The following LINGO2 variants were observed in gnomAD, a reference collection of about 807,000 sequenced individuals.
LINGO2 encodes leucine-rich repeat and immunoglobulin-like domain-containing nogo receptor-interacting protein 2.
Under a neutral mutation model 30.6 loss-of-function variants are expected in LINGO2, and 14 were observed. The observed-to-expected ratio is 0.46, with a 90% CI of 0.30 to 0.72. LINGO2 has a LOEUF of 0.72. Ranked by LOEUF, LINGO2 falls within the 30% of genes least tolerant of loss-of-function variation. The pLI, the probability that LINGO2 is intolerant of heterozygous loss-of-function variation, is 0.07. For missense variants in LINGO2, 729 were observed against 751.7 expected (o/e 0.97, Z 0.35); for synonymous variants, 317 against 288.5 (o/e 1.10, Z -1.00).
At chr9:28,072,454 G>A (rs1825506990) in intron 4 of LINGO2, among the ~76,000 whole-genome samples, 1 of 152,174 alleles carries the variant, frequency 6.6e-6, no homozygotes, top group South Asian at 2.1e-4. Context: ...CTTACTTGGT[G>A]AAATGACAGC....
chr9:28,256,925 T>C (rs1822400523), intron 4 of LINGO2, among the ~76,000 whole-genome samples: 1 of 151,960 alleles, frequency 6.6e-6, no homozygotes, highest in Non-Finnish European at 1.5e-5. Context: ...GTCTAAAAGA[T>C]GCTGCTATGT....
At chr9:28,132,996 C>T (rs929916970) in intron 4 of LINGO2, among the ~76,000 whole-genome samples, 10 of 152,040 alleles carry the variant, frequency 6.6e-5, no homozygotes, top group East Asian at 1.9e-4. Flanking sequence ...GCTTTCAGCC[C>T]GTACATTTTT....
At chr9:28,006,003 C>A (rs1181421516) in intron 5 of LINGO2, among the ~76,000 whole-genome samples, 3 of 152,092 alleles carry the variant, frequency 2.0e-5, no homozygotes, top group East Asian at 3.9e-4. Flanking sequence ...TATGAATAGG[C>A]CTGTATGTAC....
intron 1 of LINGO2, among the ~76,000 whole-genome samples, chr9:28,498,305 T>A (rs887482265): frequency 1.3e-5 from 2 of 152,154 alleles, no homozygotes; most frequent in Non-Finnish European, 2.9e-5. Flanking sequence ...GTGGGCTCCA[T>A]CCAGTTCGAG....
chr9:28,768,489 T>TC, the LINGO2 span, among the ~76,000 whole-genome samples: 27 of 152,044 alleles, frequency 1.8e-4, no homozygotes, highest in African/African-American at 6.3e-4. Context: ...GATGAATTAT[T>TC]CCCCCCAAAA....
At chr9:28,381,048 C>T (rs191360487) in intron 2 of LINGO2, among the ~76,000 whole-genome samples, 5 of 152,014 alleles carry the variant, frequency 3.3e-5, no homozygotes, top group Admixed American at 6.6e-5. Context: ...GCATCAATAT[C>T]CAGTGAAATC....
the LINGO2 span, among the ~76,000 whole-genome samples, chr9:29,065,558 T>C: frequency 2.0e-5 from 3 of 152,194 alleles, no homozygotes; most frequent in Admixed American, 2.0e-4. Context: ...TTGTCGATTT[T>C]GTCAAAGATC....
intron 4 of LINGO2, among the ~76,000 whole-genome samples, chr9:28,150,944 T>TTCAAAGTTAAATTC (rs1167652658): frequency 6.6e-6 from 1 of 152,196 alleles, no homozygotes; most frequent in Non-Finnish European, 1.5e-5. Context: ...CAAACTTAAT[T>TTCAAAGTTAAATTC]TCAAAGTTAA....
At chr9:28,996,772 C>A in the LINGO2 span, among the ~76,000 whole-genome samples, 1 of 152,174 alleles carries the variant, frequency 6.6e-6, no homozygotes, top group South Asian at 2.1e-4. Context: ...TTCAATGATA[C>A]CTCATATTTA....
rs1033446357 is a variant in LINGO2, at chr9:28,543,809, T to C, written c.-364-67784A>G. Among the ~76,000 whole-genome samples the C allele has an allele frequency of 3.3e-5, 5 of 152,030 alleles. 1 individual carries two copies. Among genetic ancestry groups the C allele is most frequent in the African/African-American group, 1.2e-4 (5 of 41,420 alleles). On this transcript the variant is annotated intron_variant, in intron 1 of 5. Coordinates refer to ENST00000379992, the Ensembl canonical transcript of LINGO2. ...ATTTCAAACACATTAGGTATTAGAA[T>C]GTGAAAGGAGGGGGTTAGAAGGCAC...
chr9:29,135,331 G>GAA, the LINGO2 span, among the ~76,000 whole-genome samples: 1 of 151,978 alleles, frequency 6.6e-6, no homozygotes, highest in Non-Finnish European at 1.5e-5. Flanking sequence ...AGGCCAAAGC[G>GAA]AGCAGATCAT....
At chr9:28,376,383 T>G (rs1002835386) in intron 2 of LINGO2, among the ~76,000 whole-genome samples, 6 of 152,210 alleles carry the variant, frequency 3.9e-5, no homozygotes, top group African/African-American at 1.4e-4. Flanking sequence ...GATGGCAACC[T>G]ATTCGGATTC....
chr9:28,133,527 T>C (rs560857912), intron 4 of LINGO2, among the ~76,000 whole-genome samples: 13 of 152,292 alleles, frequency 8.5e-5, no homozygotes, highest in Middle Eastern at 6.8e-3. Context: ...ATTGATACTA[T>C]TAAAATATTA....
At chr9:28,131,837 A>G (rs1207229633) in intron 4 of LINGO2, among the ~76,000 whole-genome samples, 2 of 152,198 alleles carry the variant, frequency 1.3e-5, no homozygotes, top group African/African-American at 4.8e-5. Flanking sequence ...GGAAATTTAC[A>G]TTTTGAAAGA....
the LINGO2 span, among the ~76,000 whole-genome samples, chr9:28,951,530 A>G: frequency 6.6e-6 from 1 of 152,038 alleles, no homozygotes; most frequent in Non-Finnish European, 1.5e-5. Context: ...TCCTTCCAGA[A>G]CCAGCTTATT....
intron 4 of LINGO2, among the ~76,000 whole-genome samples, chr9:28,209,875 C>A (rs924136372): frequency 4.6e-5 from 7 of 151,558 alleles, no homozygotes; most frequent in Non-Finnish European, 1.0e-4. Flanking sequence ...CAGATTCATC[C>A]TCCCAGGCTT....
the LINGO2 span, among the ~76,000 whole-genome samples, chr9:28,708,823 C>T: frequency 7.1e-6 from 1 of 141,566 alleles, no homozygotes; most frequent in Non-Finnish European, 1.5e-5. Flanking sequence ...ATCATCTATC[C>T]ATCATCTATC....
At chr9:28,052,940 C>T (rs1587775114) in intron 4 of LINGO2, among the ~76,000 whole-genome samples, 1 of 150,560 alleles carries the variant, frequency 6.6e-6, no homozygotes, top group Non-Finnish European at 1.5e-5. Context: ...TATTCAAATA[C>T]ATTTAAGACA....
At chr9:28,896,412 A>G in the LINGO2 span, among the ~76,000 whole-genome samples, 1 of 152,258 alleles carries the variant, frequency 6.6e-6, no homozygotes, top group Non-Finnish European at 1.5e-5. Flanking sequence ...TATGAATTTT[A>G]TCATACGTAT....
Sources: allele counts gnomAD v4.1 joint callset (sites outside exome capture counted in the v4.1 genomes callset), GRCh38; gene constraint gnomAD v4.1.1; transcripts MANE v1.5; gene names NCBI Gene and HGNC (gene_info 2026-07-23, HGNC 2026-07-21).